The following SHISAL2B variants were observed in gnomAD, a reference collection of about 807,000 sequenced individuals.
The protein encoded by SHISAL2B is protein shisa-like-2B.
Under a neutral mutation model 16.5 loss-of-function variants are expected in SHISAL2B, and 12 were observed. The ratio of observed to expected loss-of-function variants is 0.73; its 90% CI spans 0.47 to 1.18. The LOEUF (loss-of-function observed/expected upper bound fraction) is 1.18. Among genes scored for constraint, SHISAL2B ranks in the 50% most tolerant of loss-of-function variants. The probability of loss-of-function intolerance (pLI) is 0.00; values close to 1 mark genes in which losing one functional copy is unlikely to be tolerated. For missense variants in SHISAL2B, 183 were observed against 193.6 expected, an observed-to-expected ratio of 0.95 and a Z score of 0.33; for synonymous variants, 72 against 75.0, an observed-to-expected ratio of 0.96 and a Z score of 0.21.
intron 2 of SHISAL2B, among the ~76,000 whole-genome samples, chr5:64,700,682 G>T (rs560140895): frequency 0.013 from 2,051 of 152,186 alleles, 22 homozygotes; most frequent in Non-Finnish European, 0.02. Context: ...CAAAGTGCTG[G>T]GATTATAGGC....
intron 2 of SHISAL2B, among the ~76,000 whole-genome samples, chr5:64,708,485 T>G (rs1166516566): frequency 1.3e-5 from 2 of 152,152 alleles, no homozygotes; most frequent in African/African-American, 4.8e-5. Flanking sequence ...AAAGACTTAA[T>G]TTCCTGAATA....
Position 64,695,635 on chromosome 5 carries a change from A to G in SHISAL2B, c.320A>G (p.Gln107Arg). 2 of 1,535,566 alleles carry G rather than the reference A, an allele frequency of 1.3e-6. No individual in the cohort carries two copies. Among genetic ancestry groups the G allele is most frequent in the East Asian group, 2.4e-5 (1 of 40,884 alleles). The change falls in exon 2 of 3, where the codon CAA becomes CGA. Residue 107 changes from glutamine to arginine, a missense_variant. Gln to Arg is a conservative substitution (Grantham distance 43). Coordinates refer to ENST00000389074, the MANE Select transcript of SHISAL2B (RefSeq NM_001164442.2). Reference sequence around the variant, plus strand: ...AGATTAGACACTGGCCTTAAGCTTCAACACTTAGAGGCTTCTTCCACTCAA... The same window carrying G: ...AGATTAGACACTGGCCTTAAGCTTCGACACTTAGAGGCTTCTTCCACTCAA... ...PQRLDTGLKL[Q>R]HLEASSTQEG...
At position 64,694,024 on chromosome 5, in the gene SHISAL2B, C is replaced by G. The variant is rs559398137; in HGVS notation, c.192-1483C>G. Reference sequence around the variant, plus strand: ...CACTTTCAGTTCTGTTCTCCTTCCTCCCAAAGCAACAATGCTCCTGGCATC... The same window carrying G: ...CACTTTCAGTTCTGTTCTCCTTCCTGCCAAAGCAACAATGCTCCTGGCATC... On this transcript the variant is annotated intron_variant, in intron 1 of 2. Coordinates refer to ENST00000389074, the MANE Select transcript of SHISAL2B (RefSeq NM_001164442.2). The G allele has an allele frequency of 1.6e-3, 730 of 451,136 alleles. 16 individuals carry two copies. Among genetic ancestry groups the G allele is most frequent in the South Asian group, 0.011 (708 of 63,298 alleles). 27.9% of individuals were successfully genotyped at this position (451,136 alleles called of 1,614,324 possible).
At chr5:64,690,855 G>T in intron 1 of SHISAL2B, 41 bp downstream of exon 1, 2 of 1,449,412 alleles carry the variant, frequency 1.4e-6, no homozygotes, top group Non-Finnish European at 1.8e-6. Context: ...GGCCGAGCCC[G>T]GGGCTAGGGA....
At chr5:64,700,715 T>G (rs529159838) in intron 2 of SHISAL2B, among the ~76,000 whole-genome samples, 3 of 152,262 alleles carry the variant, frequency 2.0e-5, no homozygotes, top group Non-Finnish European at 4.4e-5. Flanking sequence ...GCCTGGCCCT[T>G]TTATATGCCA....
intron 1 of SHISAL2B, among the ~76,000 whole-genome samples, chr5:64,693,725 AGAG>A (rs954843410): frequency 2.0e-5 from 3 of 152,192 alleles, no homozygotes; most frequent in Non-Finnish European, 2.9e-5. Flanking sequence ...CAAGTACAAA[AGAG>A]GAGTCGCCAA....
intron 2 of SHISAL2B, among the ~76,000 whole-genome samples, chr5:64,712,639 T>G (rs1302776140): frequency 6.6e-6 from 1 of 151,578 alleles, no homozygotes; most frequent in Non-Finnish European, 1.5e-5. Flanking sequence ...GACAGTGGGG[T>G]GTTAAAGTCT....
At chr5:64,705,180 C>G (rs138347420) in intron 2 of SHISAL2B, among the ~76,000 whole-genome samples, 38 of 152,240 alleles carry the variant, frequency 2.5e-4, no homozygotes, top group African/African-American at 8.9e-4. Context: ...AAAATCTATA[C>G]TACTGTAATG....
At chr5:64,693,937 TCTTCTTTG>T in intron 1 of SHISAL2B, 2 of 334,928 alleles carry the variant, frequency 6.0e-6, no homozygotes, top group Admixed American at 8.6e-5. Flanking sequence ...GGAGGCAATC[TCTTCTTTG>T]CAGGGGTGCT....
chr5:64,697,362 C>T (rs182149), intron 2 of SHISAL2B, among the ~76,000 whole-genome samples: 95,643 of 152,078 alleles, frequency 0.63, 32,123 homozygotes, highest in African/African-American at 0.88. Context: ...ATGTATTGAC[C>T]AGATTGCAAA....
At position 64,690,638 on chromosome 5, in the gene SHISAL2B, C is replaced by T. The variant is rs951385819; in HGVS notation, c.15C>T (p.Ser5=). 1.2e-4 allele frequency: 186 copies of T among 1,501,940 alleles called. No individual in the cohort carries two copies. The highest frequency in any genetic ancestry group is 1.6e-4 in the Non-Finnish European group (180 of 1,125,844). The allele number at this position is 1,501,940 out of a possible 1,614,324, so 93.0% of individuals were successfully genotyped here. MSEA[S]RLCSGYYSLN... is the part of the protein sequence containing the mutation. The stretch of plus-strand genomic sequence containing the variant: ...CCCTGCCCGCGATGAGCGAGGCCAG[C>T]CGACTGTGCTCCGGCTACTACAGCC... The change falls in exon 1 of 3, where the codon AGC becomes AGT. Residue 5 remains serine (S), a synonymous_variant. Coordinates refer to ENST00000389074, the MANE Select transcript of SHISAL2B (RefSeq NM_001164442.2).
chr5:64,710,018 T>C (rs1257300035), intron 2 of SHISAL2B, among the ~76,000 whole-genome samples: 1 of 150,016 alleles, frequency 6.7e-6, no homozygotes, highest in Admixed American at 6.7e-5. Context: ...TTTCTTTTGC[T>C]GTGCAGAAGC....
At position 64,718,041 on chromosome 5, in the gene SHISAL2B, A is replaced by G; in HGVS notation, c.*19A>G. ...TTATTAACTAAAAATTCTGTGTTTT[A>G]AATGCTTACTGGAGAGATGGGACAA... On this transcript the variant is annotated 3_prime_UTR_variant, in exon 3 of 3. Coordinates refer to ENST00000389074, the MANE Select transcript of SHISAL2B (RefSeq NM_001164442.2). 6.7e-7 allele frequency: 1 copy of G among 1,491,990 alleles called. No homozygotes were observed. Among genetic ancestry groups the G allele is most frequent in the Non-Finnish European group, 8.8e-7 (1 of 1,134,056 alleles). 92.4% of individuals were successfully genotyped at this position (1,491,990 alleles called of 1,614,324 possible).
In SHISAL2B at chr5:64,718,177, G is replaced by A. The variant is rs540665982; in HGVS notation, c.*155G>A. On this transcript the variant is annotated 3_prime_UTR_variant, in exon 3 of 3. Coordinates refer to ENST00000389074, the MANE Select transcript of SHISAL2B (RefSeq NM_001164442.2). ...TGATCATTCAGTTACTTTATTAAACGCACATTAAGGTTTTATTGGTTTTCC... is the reference window on the plus strand; with the variant it reads ...TGATCATTCAGTTACTTTATTAAACACACATTAAGGTTTTATTGGTTTTCC... The A allele has an allele frequency of 5.8e-5, 32 of 547,646 alleles. No homozygotes were observed. Among genetic ancestry groups the A allele is most frequent in the Non-Finnish European group, 8.0e-5 (27 of 335,654 alleles). 33.9% of individuals were successfully genotyped at this position (547,646 alleles called of 1,614,324 possible).
Position 64,717,945 on chromosome 5 carries a change from A to C in SHISAL2B, c.406A>C (p.Asn136His), listed in dbSNP as rs1359811177. Residue 136 changes from asparagine (N) to histidine (H), a missense_variant, in exon 3 of 3, where the codon AAT (asparagine) becomes CAT (histidine). Transcript: ENST00000389074. ...TTCAAATGCAGCATCAAATGCAACA[A>C]ATGAAACATACTATGAAGCTGATGA... ...LNSNAASNAT[N>H]ETYYEADDII... 6.6e-7 allele frequency: 1 copy of C among 1,524,548 alleles called. No individual in the cohort carries two copies. Among genetic ancestry groups the C allele is most frequent in the South Asian group, 1.2e-5 (1 of 80,560 alleles). 94.4% of individuals were successfully genotyped at this position (1,524,548 alleles called of 1,614,324 possible).
At chr5:64,712,490 T>C in intron 2 of SHISAL2B, among the ~76,000 whole-genome samples, 1 of 151,146 alleles carries the variant, frequency 6.6e-6, no homozygotes, top group Non-Finnish European at 1.5e-5. Flanking sequence ...AGGTGTGGTG[T>C]GGTGCTGAAA....
At chr5:64,699,183 T>C (rs1350057748) in intron 2 of SHISAL2B, among the ~76,000 whole-genome samples, 1 of 152,200 alleles carries the variant, frequency 6.6e-6, no homozygotes, top group Non-Finnish European at 1.5e-5. Context: ...GACAAATCAA[T>C]TCAGTACACC....
intron 2 of SHISAL2B, among the ~76,000 whole-genome samples, chr5:64,711,868 T>C (rs1177581468): frequency 3.8e-5 from 1 of 26,370 alleles, no homozygotes; most frequent in Non-Finnish European, 7.4e-5. Context: ...TGTATTTCTG[T>C]GGGATCAGTG....
At chr5:64,699,717 G>T (rs1741782615) in intron 2 of SHISAL2B, among the ~76,000 whole-genome samples, 1 of 152,172 alleles carries the variant, frequency 6.6e-6, no homozygotes, top group Non-Finnish European at 1.5e-5. Context: ...AGGGAAATGT[G>T]TTCTTGTGTA....
Sources: allele counts gnomAD v4.1 joint callset (sites outside exome capture counted in the v4.1 genomes callset), GRCh38; gene constraint gnomAD v4.1.1; transcripts MANE v1.5; gene names NCBI Gene and HGNC (gene_info 2026-07-23, HGNC 2026-07-21).